Variants in HRH1 observed in about 807,000 individuals in gnomAD.
The protein encoded by HRH1 is histamine H1 receptor.
Under a neutral mutation model 10.3 loss-of-function variants are expected in HRH1, and 6 were observed. The observed-to-expected ratio is 0.58, with a 90% CI of 0.32 to 1.15. The LOEUF (loss-of-function observed/expected upper bound fraction) is 1.15, where lower values mean the gene tolerates loss of function less well. Among genes scored for constraint, HRH1 ranks in the 50% most tolerant of loss-of-function variants. The pLI, the probability that HRH1 is intolerant of heterozygous loss-of-function variation, is 0.05. For synonymous variants in HRH1, 242 were observed against 236.7 expected, an observed-to-expected ratio of 1.02 and a Z score of -0.21; for missense variants, 514 against 615.3, an observed-to-expected ratio of 0.84 and a Z score of 1.74.
chr3:11,203,646 A>G (rs1938013512), intron 1 of HRH1, among the ~76,000 whole-genome samples: 1 of 152,186 alleles, frequency 6.6e-6, no homozygotes, highest in Admixed American at 6.5e-5. Context: ...CCCTTTTGTC[A>G]AAAACAACTT....
intron 1 of HRH1, among the ~76,000 whole-genome samples, chr3:11,190,683 G>A (rs1283719137): frequency 3.3e-5 from 5 of 151,976 alleles, no homozygotes; most frequent in South Asian, 2.1e-4. Flanking sequence ...GTGAGCCAGC[G>A]CAACCGGCTA....
At chr3:11,157,869 C>T (rs1479107470) in intron 1 of HRH1, among the ~76,000 whole-genome samples, 8 of 152,222 alleles carry the variant, frequency 5.3e-5, no homozygotes, top group Non-Finnish European at 1.0e-4. Context: ...GCACAGACTC[C>T]AATGTCCAAC....
intron 1 of HRH1, among the ~76,000 whole-genome samples, chr3:11,187,372 A>G (rs763075731): frequency 2.6e-5 from 4 of 152,038 alleles, no homozygotes; most frequent in Non-Finnish European, 4.4e-5. Flanking sequence ...TTAACTACAA[A>G]GGTTATATAA....
At chr3:11,181,405 A>G (rs1051574906) in intron 1 of HRH1, among the ~76,000 whole-genome samples, 32 of 152,186 alleles carry the variant, frequency 2.1e-4, no homozygotes, top group Non-Finnish European at 4.0e-4. Flanking sequence ...TGGCTGGACC[A>G]TTTTACAATC....
At chr3:11,237,569 G>A (rs1213509525) in intron 1 of HRH1, among the ~76,000 whole-genome samples, 3 of 151,172 alleles carry the variant, frequency 2.0e-5, no homozygotes, top group Admixed American at 6.6e-5. Flanking sequence ...CACGGTAAAC[G>A]ATTAAGGATT....
intron 1 of HRH1, among the ~76,000 whole-genome samples, chr3:11,231,592 T>C (rs1939042691): frequency 6.6e-6 from 1 of 152,248 alleles, no homozygotes; most frequent in South Asian, 2.1e-4. Flanking sequence ...TGGCTAGTAA[T>C]ATTGAACATC....
At chr3:11,151,101 T>G (rs1423533028), upstream of HRH1, among the ~76,000 whole-genome samples, 1 of 152,198 alleles carries the variant, frequency 6.6e-6, no homozygotes, top group Non-Finnish European at 1.5e-5. Flanking sequence ...GGCATGTGAC[T>G]CAGGCTTAGC....
chr3:11,162,587 T>C (rs1936948683), intron 1 of HRH1, among the ~76,000 whole-genome samples: 1 of 151,790 alleles, frequency 6.6e-6, no homozygotes, highest in African/African-American at 2.4e-5. Flanking sequence ...ATTTTATAGA[T>C]GAGACAACTG....
At chr3:11,243,962 G>A (rs1000497232) in intron 1 of HRH1, among the ~76,000 whole-genome samples, 3 of 152,138 alleles carry the variant, frequency 2.0e-5, no homozygotes, top group African/African-American at 7.2e-5. Context: ...ACTCTTTGAA[G>A]TCAGGGACAG....
intron 1 of HRH1, among the ~76,000 whole-genome samples, chr3:11,170,660 CAT>C (rs1360335542): frequency 5.3e-5 from 8 of 152,338 alleles, no homozygotes; most frequent in African/African-American, 1.7e-4. Flanking sequence ...AGATCGGTAT[CAT>C]AGTCAGATGA....
At chr3:11,165,761 C>T (rs1454315291) in intron 1 of HRH1, among the ~76,000 whole-genome samples, 1 of 152,182 alleles carries the variant, frequency 6.6e-6, no homozygotes, top group Non-Finnish European at 1.5e-5. Context: ...TTCCTTTCAT[C>T]CCAGACACAG....
chr3:11,193,695 G>A (rs775717898), intron 1 of HRH1, among the ~76,000 whole-genome samples: 32 of 152,144 alleles, frequency 2.1e-4, no homozygotes, highest in Non-Finnish European at 3.4e-4. Context: ...AGCTCAAGGC[G>A]ACAGCAGATT....
intron 1 of HRH1, among the ~76,000 whole-genome samples, chr3:11,253,697 CCTGGG>C: frequency 6.6e-6 from 1 of 152,264 alleles, no homozygotes; most frequent in East Asian, 1.9e-4. Context: ...CATTGAGGAT[CCTGGG>C]CTGGGAATTA....
chr3:11,173,374 T>TTATATA (rs55976050), intron 1 of HRH1, among the ~76,000 whole-genome samples: 87 of 151,140 alleles, frequency 5.8e-4, no homozygotes, highest in African/African-American at 2.0e-3. Context: ...CAAATAATAA[T>TTATATA]TATATATATA....
chr3:11,263,213 C>A lies in HRH1; in HGVS notation c.*2712C>A, dbSNP rs200921285. On this transcript the variant is annotated 3_prime_UTR_variant, in exon 2 of 2. Transcript: ENST00000431010. ...CCAGCCCACTAAGAAAGCCCCAGCC[C>A]ATCAGTGGCTAATGGCTTTAATAAA... 1.2e-5 allele frequency: 2 copies of A among 167,088 alleles called. No individual in the cohort carries two copies. The allele number at this position is 167,088 out of a possible 1,614,324, so 10.4% of individuals were successfully genotyped here. A position where few individuals can be genotyped will look rare whatever the true frequency, so the allele number is the denominator to read the frequency against.
At chr3:11,220,176 A>C (rs1938658952) in intron 1 of HRH1, among the ~76,000 whole-genome samples, 1 of 152,106 alleles carries the variant, frequency 6.6e-6, no homozygotes, top group Admixed American at 6.5e-5. Flanking sequence ...TTAATAAAAC[A>C]ATACCTATCA....
intron 1 of HRH1, among the ~76,000 whole-genome samples, chr3:11,245,930 CAT>C (rs1486129767): frequency 4.6e-5 from 7 of 152,020 alleles, no homozygotes; most frequent in Non-Finnish European, 8.8e-5. Flanking sequence ...GACACTCACA[CAT>C]ACACACTCAC....
At chr3:11,202,766 G>C (rs1937978140) in intron 1 of HRH1, among the ~76,000 whole-genome samples, 2 of 152,148 alleles carry the variant, frequency 1.3e-5, no homozygotes, top group Admixed American at 1.3e-4. Context: ...ACACATCATT[G>C]TCACCCAGAG....
chr3:11,150,382 G>A (rs949307780), upstream of HRH1, among the ~76,000 whole-genome samples: 10 of 152,230 alleles, frequency 6.6e-5, no homozygotes, highest in Non-Finnish European at 1.2e-4. Context: ...CACTTGGGGC[G>A]GCTGCATGAG....
Sources: gnomAD v4.1 joint callset for allele counts (sites outside exome capture counted in the v4.1 genomes callset) on GRCh38, gnomAD v4.1.1 for gene constraint, MANE v1.5 for transcripts, NCBI Gene and HGNC (gene_info 2026-07-23, HGNC 2026-07-21) for gene names.